Variants in KDM3A observed in about 807,000 individuals in gnomAD.
The protein encoded by KDM3A is lysine demethylase 3A.
A neutral mutation model predicts 158.0 loss-of-function variants in KDM3A; 60 were observed. The ratio of observed to expected loss-of-function variants is 0.38; its 90% CI spans 0.31 to 0.47. The LOEUF is 0.47. Among genes scored for constraint, KDM3A ranks in the 20% least tolerant of loss-of-function variants. The probability of loss-of-function intolerance (pLI) is 0.99; values close to 1 mark genes in which losing one functional copy is unlikely to be tolerated. For missense variants in KDM3A, 1,319 were observed against 1,574.3 expected, an observed-to-expected ratio of 0.84 and a Z score of 2.74; for synonymous variants, 608 against 549.3, an observed-to-expected ratio of 1.11 and a Z score of -1.49.
Position 86,457,078 on chromosome 2 carries a change from T to A in KDM3A, c.843+7T>A. On this transcript the variant is annotated splice_region_variant and intron_variant, in intron 8 of 25. Transcript: ENST00000312912. Reference sequence around the variant, plus strand: ...AGCAAAATCTTGCTCTGAGGTAACCTTTATTTATGTCACTTGTGTAAAGCT... The same window carrying A: ...AGCAAAATCTTGCTCTGAGGTAACCATTATTTATGTCACTTGTGTAAAGCT... 6.8e-7 allele frequency: 1 copy of A among 1,472,260 alleles called. No individual in the cohort carries two copies. Among genetic ancestry groups the A allele is most frequent in the Non-Finnish European group, 9.3e-7 (1 of 1,078,946 alleles). 91.2% of individuals were successfully genotyped at this position (1,472,260 alleles called of 1,614,324 possible). A position where few individuals can be genotyped will look rare whatever the true frequency, so the allele number is the denominator to read the frequency against.
At chr2:86,473,624 C>G (rs1361108737) in intron 11 of KDM3A, among the ~76,000 whole-genome samples, 1 of 152,142 alleles carries the variant, frequency 6.6e-6, no homozygotes, top group Non-Finnish European at 1.5e-5. Context: ...GTGGCACATG[C>G]CTGCCTTCCC....
intron 21 of KDM3A, chr2:86,487,658 C>A (rs1229444751): frequency 6.6e-6 from 1 of 152,236 alleles, no homozygotes; most frequent in Non-Finnish European, 1.5e-5. Flanking sequence ...CTCTTAACTC[C>A]CCATCACCCA....
chr2:86,445,950 A>G (rs1682942836), intron 2 of KDM3A, among the ~76,000 whole-genome samples: 2 of 152,154 alleles, frequency 1.3e-5, no homozygotes, highest in African/African-American at 4.8e-5. Flanking sequence ...TTGTCTAAAA[A>G]CCATATCATT....
chr2:86,473,465 C>A (rs1316136776), intron 11 of KDM3A, among the ~76,000 whole-genome samples: 1 of 152,100 alleles, frequency 6.6e-6, no homozygotes, highest in African/African-American at 2.4e-5. Context: ...TACTTTTAGG[C>A]TGGGTATGGT....
chr2:86,449,214 C>A (rs990200803), intron 2 of KDM3A, among the ~76,000 whole-genome samples: 6 of 152,148 alleles, frequency 3.9e-5, no homozygotes, highest in African/African-American at 1.2e-4. Context: ...GTTAATCACT[C>A]GTTTCTATGT....
intron 9 of KDM3A, 102 bp from the exon 10 acceptor site, chr2:86,466,270 T>G: frequency 3.2e-6 from 4 of 1,245,874 alleles, no homozygotes; most frequent in Non-Finnish European, 4.5e-6. Flanking sequence ...TTCTTTTTTC[T>G]TTCATACTCG....
chr2:86,469,675 G>A (rs1209081086), intron 10 of KDM3A, among the ~76,000 whole-genome samples: 1 of 152,168 alleles, frequency 6.6e-6, no homozygotes, highest in African/African-American at 2.4e-5. Context: ...CAGGCATTTA[G>A]AAGATGCTCT....
At chr2:86,469,953 G>A (rs1673326557) in intron 10 of KDM3A, among the ~76,000 whole-genome samples, 1 of 152,162 alleles carries the variant, frequency 6.6e-6, no homozygotes, top group Non-Finnish European at 1.5e-5. Flanking sequence ...GAGTCTGGCT[G>A]TTTAATTTGG....
In KDM3A at chr2:86,466,615, C is replaced by G. The variant is rs151317388; in HGVS notation, c.1251C>G (p.Cys417Trp). 6.8e-6 allele frequency: 11 copies of G among 1,613,842 alleles called. No homozygotes were observed. The highest frequency in any genetic ancestry group is 9.3e-6 in the Non-Finnish European group (11 of 1,179,890). The change falls in exon 10 of 26, where the codon TGC (cysteine) becomes TGG (tryptophan). Residue 417 changes from cysteine to tryptophan, a missense_variant. This residue lies in a region of KDM3A where 652 missense variants were observed against 627.2 expected (regional missense o/e 1.04). Coordinates refer to ENST00000312912, the MANE Select transcript of KDM3A (RefSeq NM_018433.6). ...CATTGACTGGCCTTCCTAAGGAGTG[C>G]TTACCTACAAAGGCTTCTTCTAAGG... is the stretch of plus-strand genomic sequence containing the variant. ...PQALTGLPKECLPTKASSKAE... is the reference protein window; with the variant it reads ...PQALTGLPKEWLPTKASSKAE...
In KDM3A at chr2:86,455,108, T is replaced by A. The variant is rs537980682; in HGVS notation, c.477T>A (p.Ser159=). The change falls in exon 5 of 26, where the codon TCT becomes TCA. Residue 159 remains serine, a synonymous_variant. Coordinates refer to ENST00000312912, the MANE Select transcript of KDM3A (RefSeq NM_018433.6). ...AGGATGTAAACAGTCTTCGACTTTC[T>A]CTTACGGATAATCAGATTGTCAGTA... is the stretch of plus-strand genomic sequence containing the variant. ...PIQDVNSLRL[S]LTDNQIVSKE... The A allele has an allele frequency of 6.3e-7, 1 of 1,597,250 alleles. No individual in the cohort carries two copies. The highest frequency in any genetic ancestry group is 1.4e-5 in the African/African-American group (1 of 73,760).
At chr2:86,447,912 G>A (rs1290157695) in intron 2 of KDM3A, among the ~76,000 whole-genome samples, 2 of 152,176 alleles carry the variant, frequency 1.3e-5, no homozygotes, top group African/African-American at 4.8e-5. Context: ...TGGGTTTGAG[G>A]TTGATGTGAA....
rs1303107629 is a variant in KDM3A at position 86,492,649 on chromosome 2, TTTTAA to T, written c.*536_*540del. 1 of 152,696 alleles carries T rather than the reference TTTTAA, an allele frequency of 6.5e-6. No individual in the cohort carries two copies. Among genetic ancestry groups the T allele is most frequent in the Admixed American group, 6.5e-5 (1 of 15,286 alleles). The allele number at this position is 152,696 out of a possible 1,614,324, so 9.5% of individuals were successfully genotyped here. On this transcript the variant is annotated 3_prime_UTR_variant, in exon 26 of 26. Transcript: ENST00000312912. ...GTTAACCATCTTTAGTTAAATGGAATTTTAATTTAAATGACGCTTTGCTAATTTTA... is the reference window on the plus strand; with the variant it reads ...GTTAACCATCTTTAGTTAAATGGAATTTTAAATGACGCTTTGCTAATTTTA...
At chr2:86,482,943 G>A (rs186097613) in intron 18 of KDM3A, 8 of 478,298 alleles carry the variant, frequency 1.7e-5, no homozygotes, top group East Asian at 7.7e-5. Flanking sequence ...GGTTTTTGAC[G>A]AGGGCATCCA....
chr2:86,491,864 T>A (rs1018241332), intron 25 of KDM3A, 175 bp from the exon 26 acceptor site: 1 of 584,520 alleles, frequency 1.7e-6, no homozygotes, highest in Non-Finnish European at 3.0e-6. Flanking sequence ...TTAAAATGTA[T>A]GTGAAATACT....
intron 4 of KDM3A, among the ~76,000 whole-genome samples, chr2:86,451,859 T>C (rs978058998): frequency 5.9e-5 from 9 of 152,316 alleles, no homozygotes; most frequent in African/African-American, 1.4e-4. Flanking sequence ...TTAGGTGATA[T>C]GAAAATAATA....
At chr2:86,475,514 TTGGGAGCAC>T (rs1193730358) in intron 12 of KDM3A, among the ~76,000 whole-genome samples, 2 of 152,132 alleles carry the variant, frequency 1.3e-5, no homozygotes, top group African/African-American at 2.4e-5. Flanking sequence ...CTTCCCCTCT[TTGGGAGCAC>T]TGTTACACTG....
At chr2:86,451,875 AAGT>A (rs1308263342) in intron 4 of KDM3A, among the ~76,000 whole-genome samples, 10 of 152,318 alleles carry the variant, frequency 6.6e-5, no homozygotes, top group Admixed American at 2.0e-4. Flanking sequence ...TAATATTTAA[AAGT>A]AGACCGTTGT....
intron 8 of KDM3A, among the ~76,000 whole-genome samples, chr2:86,462,714 A>C (rs1020439212): frequency 6.6e-6 from 1 of 152,200 alleles, no homozygotes; most frequent in Non-Finnish European, 1.5e-5. Context: ...TATGCTAGCT[A>C]GTCTTTTCAA....
upstream of KDM3A, chr2:86,440,639 T>C (rs1682647808): frequency 6.6e-6 from 1 of 152,270 alleles, no homozygotes; most frequent in African/African-American, 2.4e-5. Context: ...CTAAATTTAA[T>C]GAACGTCATT....
Sources: allele counts gnomAD v4.1 joint callset (sites outside exome capture counted in the v4.1 genomes callset), GRCh38; gene constraint gnomAD v4.1.1; regional missense constraint gnomAD v4.1.1; transcripts MANE v1.5; gene names NCBI Gene and HGNC (gene_info 2026-07-23, HGNC 2026-07-21).